CNTN4: variants seen among roughly 807,000 people sequenced by gnomAD.
CNTN4 encodes the protein contactin-4.
A neutral mutation model predicts 122.5 loss-of-function variants in CNTN4; 77 were observed. The ratio of observed to expected loss-of-function variants is 0.63; its 90% CI spans 0.52 to 0.76. The LOEUF is 0.76. Ranked by LOEUF, CNTN4 falls within the 30% of genes least tolerant of loss-of-function variation. CNTN4 has a pLI of 0.00. For missense variants in CNTN4, 1,256 were observed against 1,259.1 expected (o/e 1.00, Z 0.04); for synonymous variants, 512 against 447.0 (o/e 1.15, Z -1.83).
intron 4 of CNTN4, among the ~76,000 whole-genome samples, chr3:2,686,396 C>A (rs1334837510): frequency 6.6e-6 from 1 of 152,102 alleles, no homozygotes; most frequent in East Asian, 1.9e-4. Context: ...CCCACTCCAC[C>A]CAACCCTACC....
At chr3:2,173,735 G>A (rs1467024938) in intron 2 of CNTN4, among the ~76,000 whole-genome samples, 2 of 151,882 alleles carry the variant, frequency 1.3e-5, no homozygotes, top group Non-Finnish European at 2.9e-5. Context: ...TTGTTAAATA[G>A]AAATAATAAT....
At chr3:2,154,567 A>G (rs1027425133) in intron 2 of CNTN4, among the ~76,000 whole-genome samples, 1 of 152,202 alleles carries the variant, frequency 6.6e-6, no homozygotes, top group Non-Finnish European at 1.5e-5. Flanking sequence ...AATAAGTTCT[A>G]TGATCTGTAG....
At chr3:2,771,934 G>A (rs1191778153) in intron 6 of CNTN4, among the ~76,000 whole-genome samples, 1 of 152,176 alleles carries the variant, frequency 6.6e-6, no homozygotes, top group Non-Finnish European at 1.5e-5. Flanking sequence ...AGCTGGCAGG[G>A]TGTTTCATGC....
chr3:2,384,952 G>C (rs760795789), intron 3 of CNTN4, among the ~76,000 whole-genome samples: 5 of 151,912 alleles, frequency 3.3e-5, no homozygotes, highest in Non-Finnish European at 7.4e-5. Context: ...TTCTACAGTG[G>C]TTGACGTTCA....
intron 2 of CNTN4, among the ~76,000 whole-genome samples, chr3:2,283,827 T>C (rs1261502872): frequency 5.3e-5 from 8 of 152,148 alleles, no homozygotes; most frequent in Non-Finnish European, 1.0e-4. Context: ...TTCCTCCAAC[T>C]TCTGCATTTC....
At chr3:2,704,979 G>A (rs530037343) in intron 4 of CNTN4, among the ~76,000 whole-genome samples, 1 of 151,974 alleles carries the variant, frequency 6.6e-6, no homozygotes, top group Non-Finnish European at 1.5e-5. Context: ...TATTTAATCT[G>A]AGTCCTCAAG....
chr3:2,348,957 C>T (rs1299266968), intron 3 of CNTN4, among the ~76,000 whole-genome samples: 1 of 152,150 alleles, frequency 6.6e-6, no homozygotes, highest in African/African-American at 2.4e-5. Flanking sequence ...TAGATAAATG[C>T]ATTCTCTTCT....
At position 2,353,756 on chromosome 3, in the gene CNTN4, G is replaced by T. The variant is rs540755645; in HGVS notation, c.-89+14523G>T. Among the ~76,000 whole-genome samples the T allele has an allele frequency of 1.3e-4, 20 of 152,236 alleles. No homozygotes were observed. In the South Asian group the frequency reaches 3.9e-3, roughly 30 times the overall value. On this transcript the variant is annotated intron_variant, in intron 3 of 24. Transcript: ENST00000418658. ...TAAAAACACAAAAACAAAATTAGCC[G>T]GGTGTGGTGGCGGGCGCCTGTGGTC...
In CNTN4 at chr3:2,421,464, C is replaced by A. The variant is rs1335298778; in HGVS notation, c.-89+82231C>A. Among the ~76,000 whole-genome samples, 4 of 152,256 alleles carry A rather than the reference C, an allele frequency of 2.6e-5. No individual in the cohort carries two copies. The East Asian group carries it at 7.7e-4, about 29-fold the overall frequency. ...ACATGGTTTCACCATGTTGGCCAGG[C>A]TGATCTCAAACTCCTGACTTCAAGT... is the stretch of plus-strand genomic sequence containing the variant. On this transcript the variant is annotated intron_variant, in intron 3 of 24. Coordinates refer to ENST00000418658, the MANE Select transcript of CNTN4 (RefSeq NM_175607.3).
At chr3:2,925,873 T>G (rs897687762) in intron 13 of CNTN4, 94 bp downstream of exon 13, 14 of 1,068,816 alleles carry the variant, frequency 1.3e-5, no homozygotes, top group Non-Finnish European at 2.0e-5. Context: ...GGTGACTATC[T>G]GCTGTTCCTG....
chr3:2,473,855 A>G (rs2075764253), intron 3 of CNTN4, among the ~76,000 whole-genome samples: 1 of 152,060 alleles, frequency 6.6e-6, no homozygotes, highest in Non-Finnish European at 1.5e-5. Context: ...TCTACTAAAA[A>G]TACAAAATTA....
chr3:2,666,010 A>G (rs902113863), intron 4 of CNTN4, among the ~76,000 whole-genome samples: 3 of 152,330 alleles, frequency 2.0e-5, no homozygotes, highest in African/African-American at 7.2e-5. Flanking sequence ...ACAGCTTGTA[A>G]TTATGAATGG....
chr3:2,739,599 G>A (rs1298197722), intron 5 of CNTN4, among the ~76,000 whole-genome samples: 2 of 143,948 alleles, frequency 1.4e-5, no homozygotes, highest in African/African-American at 2.5e-5. Context: ...TATAGAGGAA[G>A]TAACAGAGGA....
intron 2 of CNTN4, among the ~76,000 whole-genome samples, chr3:2,307,023 A>T (rs2042733812): frequency 6.6e-6 from 1 of 152,198 alleles, no homozygotes; most frequent in South Asian, 2.1e-4. Context: ...TGTGGATTCC[A>T]TAGGATTTTC....
At position 2,115,115 on chromosome 3, in the gene CNTN4, C is replaced by T. The variant is rs566809386; in HGVS notation, c.-145+14476C>T. Among the ~76,000 whole-genome samples the T allele has an allele frequency of 4.6e-5, 7 of 152,300 alleles. No homozygotes were observed. The South Asian group carries it at 1.5e-3, about 32-fold the overall frequency. On this transcript the variant is annotated intron_variant, in intron 2 of 24. Transcript: ENST00000418658. ...CCTCTCTGATGAGCCTTCAGCCAGG[C>T]TCTTCTCCTTGCTCCAGTACATCAT... is the stretch of plus-strand genomic sequence containing the variant.
At position 2,658,963 on chromosome 3, in the gene CNTN4, CAG is replaced by C. The variant is rs1361911199; in HGVS notation, c.56-77250_56-77249del. Among the ~76,000 whole-genome samples the C allele has an allele frequency of 3.1e-3, 238 of 76,604 alleles. 1 individual carries two copies. Among genetic ancestry groups the C allele is most frequent in the African/African-American group, 4.3e-3 (67 of 15,574 alleles). The allele number at this position is 76,604 out of a possible 152,430, so 50.3% of individuals were successfully genotyped here. On this transcript the variant is annotated intron_variant, in intron 4 of 24. Coordinates refer to ENST00000418658, the MANE Select transcript of CNTN4 (RefSeq NM_175607.3). ...CAAATAACACACCCACACACACAAA[CAG>C]ACACACACACACACACACACACACA...
chr3:2,328,891 A>G (rs1350786129), intron 2 of CNTN4, among the ~76,000 whole-genome samples: 2 of 152,150 alleles, frequency 1.3e-5, no homozygotes, highest in African/African-American at 4.8e-5. Flanking sequence ...GGACGACTGC[A>G]TTCTCCAAAT....
chr3:2,975,205 G>A (rs1237808159), intron 13 of CNTN4, among the ~76,000 whole-genome samples: 1 of 151,552 alleles, frequency 6.6e-6, no homozygotes, highest in Non-Finnish European at 1.5e-5. Flanking sequence ...AAAAAAAAAA[G>A]AACTATTTAA....
chr3:2,718,251 C>A (rs1388130650), intron 4 of CNTN4, among the ~76,000 whole-genome samples: 4 of 151,350 alleles, frequency 2.6e-5, no homozygotes, highest in Non-Finnish European at 4.4e-5. Context: ...TTTTTTTAAC[C>A]CTTTAACGTT....
Sources: gnomAD v4.1 joint callset for allele counts (sites outside exome capture counted in the v4.1 genomes callset) on GRCh38, gnomAD v4.1.1 for gene constraint, MANE v1.5 for transcripts, NCBI Gene and HGNC (gene_info 2026-07-23, HGNC 2026-07-21) for gene names.